Variants in GANC observed in about 807,000 individuals in gnomAD.
The protein encoded by GANC is neutral alpha-glucosidase C.
In GANC, 117 loss-of-function variants were observed where a neutral mutation model predicts 124.2. The ratio of observed to expected loss-of-function variants is 0.94; its 90% CI spans 0.81 to 1.10. The LOEUF (loss-of-function observed/expected upper bound fraction) is 1.10. Ranked by LOEUF, GANC falls within the 50% of genes least tolerant of loss-of-function variation. The probability of loss-of-function intolerance (pLI) is 0.00; values close to 1 mark genes in which losing one functional copy is unlikely to be tolerated. For synonymous variants in GANC, 377 were observed against 376.8 expected, an observed-to-expected ratio of 1.00 and a Z score of -0.01; for missense variants, 1,140 against 1,095.0, an observed-to-expected ratio of 1.04 and a Z score of -0.58.
intron 3 of GANC, among the ~76,000 whole-genome samples, chr15:42,286,122 G>A (rs886476753): frequency 2.6e-5 from 4 of 151,608 alleles, no homozygotes; most frequent in African/African-American, 7.3e-5. Flanking sequence ...TATGCCCCCT[G>A]CTTAGGAAGT....
chr15:42,322,743 C>T (rs2052170980), intron 11 of GANC, among the ~76,000 whole-genome samples: 1 of 151,966 alleles, frequency 6.6e-6, no homozygotes, highest in Non-Finnish European at 1.5e-5. Context: ...AAGAAAAGAA[C>T]GGAAATAGAA....
At chr15:42,349,599 G>T (rs1595787522) in intron 22 of GANC, 104 bp downstream of exon 22, 1 of 722,934 alleles carries the variant, frequency 1.4e-6, no homozygotes, top group East Asian at 2.6e-5. Context: ...ACTATTTAAA[G>T]AAATGAATGG....
chr15:42,274,969 C>T (rs575568343), intron 1 of GANC, among the ~76,000 whole-genome samples: 59 of 152,310 alleles, frequency 3.9e-4, no homozygotes, highest in Non-Finnish European at 7.1e-4. Context: ...ACGTGAATTT[C>T]AGGCATGTTG....
At chr15:42,326,252 T>G in intron 11 of GANC, 46 bp from the exon 12 acceptor site, 1 of 1,359,142 alleles carries the variant, frequency 7.4e-7, no homozygotes, top group Admixed American at 1.8e-5. Flanking sequence ...TGAACATTTG[T>G]CTTACATAAA....
In GANC at chr15:42,321,879, G is replaced by T. The variant is rs2052160922; in HGVS notation, c.1152G>T (p.Gly384=). ...AGGATGTAAAAGCAGTGGATGCAGGGTTTGATGAGCATGACATTCCTTATG... is the reference window on the plus strand; with the variant it reads ...AGGATGTAAAAGCAGTGGATGCAGGTTTTGATGAGCATGACATTCCTTATG... ...DEQDVKAVDA[G]FDEHDIPYDA... Residue 384 remains glycine, a synonymous_variant, in exon 11 of 24, where the codon GGG becomes GGT. Coordinates refer to ENST00000318010, the MANE Select transcript of GANC (RefSeq NM_198141.3). 6.2e-7 allele frequency: 1 copy of T among 1,614,104 alleles called. No homozygotes were observed. Among genetic ancestry groups the T allele is most frequent in the Non-Finnish European group, 8.5e-7 (1 of 1,180,046 alleles).
chr15:42,296,626 C>G (rs2051894398), intron 5 of GANC, among the ~76,000 whole-genome samples: 1 of 152,162 alleles, frequency 6.6e-6, no homozygotes, highest in Non-Finnish European at 1.5e-5. Flanking sequence ...CTCCTGACCT[C>G]AGGTAATCTA....
rs896442477 is a variant in GANC at position 42,301,908 on chromosome 15, G to T, written c.558+4252G>T. ...CTGGGACAGAGCACCTGGGGGAAGG[G>T]ACAACTGTGGGTGCAGCTTCAGCAG... On this transcript the variant is annotated intron_variant, in intron 6 of 23. Coordinates refer to ENST00000318010, the MANE Select transcript of GANC (RefSeq NM_198141.3). Among the ~76,000 whole-genome samples the T allele has an allele frequency of 2.6e-5, 4 of 152,330 alleles. 1 individual carries two copies. Among genetic ancestry groups the T allele is most frequent in the South Asian group, 4.1e-4 (2 of 4,832 alleles).
At position 42,321,902 on chromosome 15, in the gene GANC, A is replaced by T. The variant is rs529688420; in HGVS notation, c.1175A>T (p.Tyr392Phe). Reference sequence around the variant, plus strand: ...GGGTTTGATGAGCATGACATTCCTTATGATGCCATGTGGCTGGACATAGAG... The same window carrying T: ...GGGTTTGATGAGCATGACATTCCTTTTGATGCCATGTGGCTGGACATAGAG... Reference protein sequence around the residue: ...DAGFDEHDIPYDAMWLDIEHT... With the variant: ...DAGFDEHDIPFDAMWLDIEHT... The change falls in exon 11 of 24, where the codon TAT becomes TTT. Residue 392 changes from tyrosine (Y) to phenylalanine (F), a missense_variant. Transcript: ENST00000318010. 20 of 1,613,806 alleles carry T rather than the reference A, an allele frequency of 1.2e-5. No homozygotes were observed. The East Asian group carries it at 4.2e-4, about 34-fold the overall frequency.
chr15:42,336,446 C>G (rs1555415383), intron 15 of GANC, among the ~76,000 whole-genome samples: 2 of 152,170 alleles, frequency 1.3e-5, no homozygotes, highest in African/African-American at 4.8e-5. Flanking sequence ...AAGATTGAAA[C>G]TGGACTCCTT....
chr15:42,330,770 C>CTT (rs71108160), intron 15 of GANC, 98 bp downstream of exon 15: 138 of 360,808 alleles, frequency 3.8e-4, no homozygotes, highest in South Asian at 1.6e-3. Flanking sequence ...CTTCCTTTTC[C>CTT]TTTTTTTTTT....
chr15:42,307,869 G>T (rs1430326806), intron 7 of GANC, among the ~76,000 whole-genome samples: 2 of 152,068 alleles, frequency 1.3e-5, no homozygotes, highest in African/African-American at 4.8e-5. Flanking sequence ...GCTTCCTAAA[G>T]CAAAGAAATA....
At chr15:42,276,149 C>T (rs953058804) in intron 1 of GANC, 199 bp from the exon 2 acceptor site, 51 of 417,352 alleles carry the variant, frequency 1.2e-4, no homozygotes, top group Non-Finnish European at 2.1e-4. Flanking sequence ...TTGTTGTTTA[C>T]CTCAGAGGGT....
At position 42,273,448 on chromosome 15, in the gene GANC, C is replaced by T; in HGVS notation, c.-1034C>T. 6.2e-7 allele frequency: 1 copy of T among 1,608,020 alleles called. No individual in the cohort carries two copies. The highest frequency in any genetic ancestry group is 8.5e-7 in the Non-Finnish European group (1 of 1,177,386). On this transcript the variant is annotated 5_prime_UTR_variant, in exon 1 of 24. Coordinates refer to ENST00000318010, the MANE Select transcript of GANC (RefSeq NM_198141.3). ...GAAAGCATTTCACCCTCTTCCGGTTCGTCCCGCCTTCTTCCGGCTCTGCTC... is the reference window on the plus strand; with the variant it reads ...GAAAGCATTTCACCCTCTTCCGGTTTGTCCCGCCTTCTTCCGGCTCTGCTC...
chr15:42,330,767 TTCC>T, intron 15 of GANC, 95 bp downstream of exon 15: 6 of 658,950 alleles, frequency 9.1e-6, no homozygotes, highest in South Asian at 1.8e-5. Context: ...TGCCTTCCTT[TTCC>T]TTTTTTTTTT....
chr15:42,308,546 C>A (rs1371823086), intron 8 of GANC, among the ~76,000 whole-genome samples: 2 of 152,084 alleles, frequency 1.3e-5, no homozygotes, highest in Non-Finnish European at 2.9e-5. Context: ...TGCAGTGGCA[C>A]AATCTTGGCT....
intron 10 of GANC, among the ~76,000 whole-genome samples, chr15:42,311,638 G>A (rs1323625821): frequency 6.6e-6 from 1 of 152,122 alleles, no homozygotes; most frequent in Admixed American, 6.5e-5. Context: ...ATCTTACCTG[G>A]TCGGAGCAGG....
At chr15:42,344,976 T>G (rs1201841682) in intron 19 of GANC, 1 of 152,174 alleles carries the variant, frequency 6.6e-6, no homozygotes, top group Non-Finnish European at 1.5e-5. Flanking sequence ...TTCTCTTGCT[T>G]CACAAACCTG....
intron 3 of GANC, 88 bp from the exon 4 acceptor site, chr15:42,287,603 C>A: frequency 1.4e-6 from 2 of 1,412,064 alleles, no homozygotes; most frequent in Non-Finnish European, 1.9e-6. Context: ...ATAATTGAAA[C>A]AAATACTTTC....
intron 22 of GANC, 46 bp from the exon 23 acceptor site, chr15:42,351,283 C>G (rs749344569): frequency 2.1e-6 from 3 of 1,452,648 alleles, no homozygotes; most frequent in East Asian, 2.3e-5. Flanking sequence ...GTGGCCACTT[C>G]AAACCCCCAT....
Sources: gnomAD v4.1 joint callset for allele counts (sites outside exome capture counted in the v4.1 genomes callset) on GRCh38, gnomAD v4.1.1 for gene constraint, MANE v1.5 for transcripts, NCBI Gene and HGNC (gene_info 2026-07-23, HGNC 2026-07-21) for gene names.